Variants in C4orf33 observed in about 807,000 individuals in gnomAD.
The protein encoded by C4orf33 is chromosome 4 open reading frame 33.
In C4orf33, 20 loss-of-function variants were observed where a neutral mutation model predicts 24.3. That is an observed-to-expected ratio of 0.82 (90% CI 0.58 to 1.19). C4orf33 has a LOEUF of 1.19. Among genes scored for constraint, C4orf33 ranks in the 50% most tolerant of loss-of-function variants. The pLI, the probability that C4orf33 is intolerant of heterozygous loss-of-function variation, is 0.00. For missense variants in C4orf33, 207 were observed against 225.9 expected, an observed-to-expected ratio of 0.92 and a Z score of 0.54; for synonymous variants, 67 against 76.4, an observed-to-expected ratio of 0.88 and a Z score of 0.64.
At chr4:129,098,444 G>T (rs1757924) in intron 1 of C4orf33, among the ~76,000 whole-genome samples, 105,287 of 152,068 alleles carry the variant, frequency 0.69, 39,438 homozygotes, top group South Asian at 0.89. Flanking sequence ...GTACTTTCAT[G>T]AATTTGCTTA....
chr4:129,113,231 T>A lies in C4orf33; in HGVS notation c.*1440T>A, dbSNP rs899118105. ...CTTGTGAGCTTTCTCAAATCTAATG[T>A]GTATCTTTTTAAAATTTGTTTAGAT... On this transcript the variant is annotated 3_prime_UTR_variant, in exon 6 of 6. Transcript: ENST00000425929. The A allele has an allele frequency of 6.6e-6, 1 of 152,192 alleles. No homozygotes were observed. The highest frequency in any genetic ancestry group is 2.4e-5 in the African/African-American group (1 of 41,454). The allele number at this position is 152,192 out of a possible 1,614,324, so 9.4% of individuals were successfully genotyped here.
In C4orf33 at chr4:129,116,498, G is replaced by C. The variant is rs391396; in HGVS notation, c.*4707G>C. On this transcript the variant is annotated 3_prime_UTR_variant, in exon 6 of 6. Coordinates refer to ENST00000425929, the MANE Select transcript of C4orf33 (RefSeq NM_001099783.2). ...TTTCTGACTCAATAGTACACTGAAAGCCCATGTTTGTAATAATGCCCTAAA... is the reference window on the plus strand; with the variant it reads ...TTTCTGACTCAATAGTACACTGAAACCCCATGTTTGTAATAATGCCCTAAA... The C allele has an allele frequency of 6.6e-6, 1 of 152,086 alleles. No homozygotes were observed. Among genetic ancestry groups the C allele is most frequent in the South Asian group, 2.1e-4 (1 of 4,826 alleles). The allele number at this position is 152,086 out of a possible 1,614,324, so 9.4% of individuals were successfully genotyped here. A position where few individuals can be genotyped will look rare whatever the true frequency, so the allele number is the denominator to read the frequency against.
At chr4:129,097,143 G>T (rs1394382109) in intron 1 of C4orf33, among the ~76,000 whole-genome samples, 1 of 152,206 alleles carries the variant, frequency 6.6e-6, no homozygotes, top group Non-Finnish European at 1.5e-5. Context: ...TCCTGACCTT[G>T]TGATCCGCCT....
At chr4:129,105,275 CT>C (rs942028138) in intron 2 of C4orf33, among the ~76,000 whole-genome samples, 5 of 152,060 alleles carry the variant, frequency 3.3e-5, no homozygotes, top group African/African-American at 1.2e-4. Context: ...GGAGGTCAGT[CT>C]TTTTTTCTAT....
chr4:129,109,939 G>A (rs750868752), intron 5 of C4orf33: 27 of 1,201,072 alleles, frequency 2.2e-5, no homozygotes, highest in Non-Finnish European at 2.8e-5. Flanking sequence ...AGTAAATGTT[G>A]TAATAGCTGA....
intron 1 of C4orf33, among the ~76,000 whole-genome samples, chr4:129,100,162 G>A (rs1292505024): frequency 2.0e-5 from 3 of 152,046 alleles, no homozygotes; most frequent in Non-Finnish European, 4.4e-5. Flanking sequence ...CTTAACAATG[G>A]TAACTTTGCT....
intron 1 of C4orf33, among the ~76,000 whole-genome samples, chr4:129,096,933 C>T (rs1398762776): frequency 6.6e-6 from 1 of 152,060 alleles, no homozygotes; most frequent in African/African-American, 2.4e-5. Context: ...TTTTTTGAGA[C>T]GGAGTCTTGC....
intron 1 of C4orf33, among the ~76,000 whole-genome samples, chr4:129,101,187 C>T (rs1753340056): frequency 1.3e-5 from 2 of 151,982 alleles, no homozygotes; most frequent in African/African-American, 4.8e-5. Context: ...TTAGTAAAAG[C>T]TATACGTTTT....
intron 5 of C4orf33, 117 bp from the exon 6 acceptor site, chr4:129,111,569 A>G (rs1337714661): frequency 1.7e-6 from 1 of 586,494 alleles, no homozygotes; most frequent in Non-Finnish European, 3.1e-6. Flanking sequence ...TACCTTTAGT[A>G]TTGCTTAAAA....
chr4:129,096,202 G>A lies in C4orf33; in HGVS notation c.-17G>A, dbSNP rs1441599324. 6 of 152,204 alleles carry A rather than the reference G, an allele frequency of 3.9e-5. No homozygotes were observed. Among genetic ancestry groups the A allele is most frequent in the African/African-American group, 1.4e-4 (6 of 41,446 alleles). 9.4% of individuals were successfully genotyped at this position (152,204 alleles called of 1,614,324 possible). A position where few individuals can be genotyped will look rare whatever the true frequency, so the allele number is the denominator to read the frequency against. ...AAGAAGAAGCCAGTGTTTGAGAAAAGCTTCGTGGTCTGTGTTCTCTAGTTG... is the reference window on the plus strand; with the variant it reads ...AAGAAGAAGCCAGTGTTTGAGAAAAACTTCGTGGTCTGTGTTCTCTAGTTG... On this transcript the variant is annotated 5_prime_UTR_variant, in exon 1 of 6. Transcript: ENST00000425929.
upstream of C4orf33, among the ~76,000 whole-genome samples, chr4:129,095,298 G>A (rs1580002451): frequency 1.3e-5 from 2 of 152,052 alleles, no homozygotes; most frequent in African/African-American, 4.8e-5. Context: ...TCCCAAGGTA[G>A]GTGCCACCTT....
chr4:129,098,669 T>C (rs556959157), intron 1 of C4orf33, among the ~76,000 whole-genome samples: 124 of 152,314 alleles, frequency 8.1e-4, no homozygotes, highest in Non-Finnish European at 1.5e-3. Context: ...AAATGGCTGC[T>C]CCATAGACAG....
rs544058507 is a variant in C4orf33, at chr4:129,106,502, C to G, written c.182-85C>G. ...GTATTATAATTAAGAATAGTTAATTCATTTTATATTCTAAAGGAATAAATT... is the reference window on the plus strand; with the variant it reads ...GTATTATAATTAAGAATAGTTAATTGATTTTATATTCTAAAGGAATAAATT... On this transcript the variant is annotated intron_variant, in intron 2 of 5. Coordinates refer to ENST00000425929, the MANE Select transcript of C4orf33 (RefSeq NM_001099783.2). 2.2e-5 allele frequency: 15 copies of G among 674,762 alleles called. No homozygotes were observed. The African/African-American group carries it at 2.9e-4, about 13-fold the overall frequency. 41.8% of individuals were successfully genotyped at this position (674,762 alleles called of 1,614,324 possible).
intron 1 of C4orf33, 46 bp downstream of exon 1, chr4:129,096,255 G>A (rs574386852): frequency 6.6e-6 from 1 of 152,080 alleles, no homozygotes; most frequent in Admixed American, 6.6e-5. Flanking sequence ...CATTCCTTTC[G>A]TCGTCGCCAG....
intron 1 of C4orf33, among the ~76,000 whole-genome samples, chr4:129,097,294 A>G (rs1249887735): frequency 2.0e-5 from 3 of 152,226 alleles, no homozygotes; most frequent in African/African-American, 7.2e-5. Context: ...TTAAAAAGTG[A>G]TGAAGTTGAA....
chr4:129,095,098 A>T (rs1753152650), upstream of C4orf33, among the ~76,000 whole-genome samples: 1 of 152,214 alleles, frequency 6.6e-6, no homozygotes, highest in Admixed American at 6.5e-5. Flanking sequence ...GATCATAATT[A>T]TGATCATGAT....
rs772521420 is a variant in C4orf33, at chr4:129,109,600, A to T, written c.422A>T (p.Lys141Ile). 11 of 1,614,122 alleles carry T rather than the reference A, an allele frequency of 6.8e-6. No individual in the cohort carries two copies. The highest frequency in any genetic ancestry group is 1.6e-4 in the Middle Eastern group (1 of 6,062). Residue 141 changes from lysine (K) to isoleucine (I), a missense_variant, in exon 5 of 6, where the codon AAA (lysine) becomes ATA (isoleucine). Transcript: ENST00000425929. ...AATTCATTTGCAATTCATGGATCAA[A>T]AGATAAACGAAGTTATGAAGCTCTT... ...KFNSFAIHGSKDKRSYEALYP... is the reference protein window; with the variant it reads ...KFNSFAIHGSIDKRSYEALYP...
intron 1 of C4orf33, 82 bp from the exon 2 acceptor site, chr4:129,102,520 C>A: frequency 1.9e-6 from 2 of 1,041,108 alleles, no homozygotes; most frequent in South Asian, 1.7e-5. Flanking sequence ...TGCTGTTTGG[C>A]ATTGAAATTT....
rs2125800801 is a variant in C4orf33 at position 129,102,762 on chromosome 4, A to G, written c.152A>G (p.Lys51Arg). 3.7e-6 allele frequency: 6 copies of G among 1,613,726 alleles called. No individual in the cohort carries two copies. The East Asian group carries it at 1.1e-4, about 30-fold the overall frequency. ...DPPAPLGEPG[K>R]PFNELWDYEV... ...CCAGCCCCACTTGGAGAACCAGGAA[A>G]ACCTTTCAATGAACTGTGGGATTAT... Residue 51 changes from lysine to arginine, a missense_variant, in exon 2 of 6, where the codon AAA (lysine) becomes AGA (arginine). Lys to Arg is a conservative substitution (Grantham distance 26). Coordinates refer to ENST00000425929, the MANE Select transcript of C4orf33 (RefSeq NM_001099783.2).
Sources: gnomAD v4.1 joint callset for allele counts (sites outside exome capture counted in the v4.1 genomes callset) on GRCh38, gnomAD v4.1.1 for gene constraint, MANE v1.5 for transcripts, NCBI Gene and HGNC (gene_info 2026-07-23, HGNC 2026-07-21) for gene names.